Variants in HIVEP2 observed in about 807,000 individuals in gnomAD.
The protein encoded by HIVEP2 is transcription factor HIVEP2.
HIVEP2 carries 14 observed loss-of-function variants against 180.7 expected under a neutral mutation model. The observed-to-expected ratio is 0.08, with a 90% CI of 0.05 to 0.12. The LOEUF is 0.12. Ranked by LOEUF, HIVEP2 falls within the 10% of genes least tolerant of loss-of-function variation. The pLI is 1.00. For synonymous variants in HIVEP2, 1,184 were observed against 1,136.4 expected, an observed-to-expected ratio of 1.04 and a Z score of -0.84; for missense variants, 2,579 against 3,008.5, an observed-to-expected ratio of 0.86 and a Z score of 3.34.
intron 1 of HIVEP2, among the ~76,000 whole-genome samples, chr6:142,862,502 C>A: frequency 8.4e-6 from 1 of 118,746 alleles, no homozygotes. Context: ...TTATATGTAT[C>A]ATATATTTTA....
chr6:142,824,162 G>A (rs1422814292), intron 2 of HIVEP2, among the ~76,000 whole-genome samples: 1 of 151,834 alleles, frequency 6.6e-6, no homozygotes, highest in Admixed American at 6.6e-5. Context: ...TTGCTTTTTT[G>A]GAGTTCAAAA....
Position 142,774,694 on chromosome 6 carries a change from C to A in HIVEP2, c.45G>T (p.Arg15Ser). The A allele has an allele frequency of 6.2e-7, 1 of 1,614,204 alleles. No homozygotes were observed. Among genetic ancestry groups the A allele is most frequent in the Middle Eastern group, 1.6e-4 (1 of 6,062 alleles). ...DTALGQKATS[R>S]SGETDKASGR... ...CTGATGCTTTATCAGTTTCTCCAGA[C>A]CTTGAGGTAGCTTTTTGTCCTAGAG... Residue 15 changes from arginine (R) to serine (S), a missense_variant, in exon 5 of 10, where the codon AGG becomes AGT. This residue lies in a region of HIVEP2 where 207 missense variants were observed against 210.1 expected (regional missense o/e 0.99). Transcript: ENST00000367603. This position sits in a 1 kb window ranked among gnomAD's most constrained non-coding sequence, Gnocchi z 5.1.
intron 1 of HIVEP2, among the ~76,000 whole-genome samples, chr6:142,898,569 G>C (rs1389848905): frequency 1.3e-5 from 2 of 152,180 alleles, no homozygotes; most frequent in Non-Finnish European, 2.9e-5. Context: ...GGCTGAGGCA[G>C]GAGAATCACT....
chr6:142,827,509 T>C (rs1484562567), intron 2 of HIVEP2, among the ~76,000 whole-genome samples: 1 of 152,154 alleles, frequency 6.6e-6, no homozygotes, highest in Admixed American at 6.5e-5. Flanking sequence ...AGAACTGGTG[T>C]ATGTGTCTGT....
intron 2 of HIVEP2, among the ~76,000 whole-genome samples, chr6:142,820,862 T>C (rs935912240): frequency 1.3e-5 from 2 of 152,190 alleles, no homozygotes; most frequent in Non-Finnish European, 2.9e-5. Context: ...TAACTAGTTA[T>C]AGCAAGCTTA....
intron 1 of HIVEP2, among the ~76,000 whole-genome samples, chr6:142,862,673 A>G (rs1415500496): frequency 7.0e-6 from 1 of 142,796 alleles, no homozygotes; most frequent in African/African-American, 2.5e-5. Context: ...TATATTGTGT[A>G]CTATATCTAT....
chr6:142,879,111 G>A (rs574752663), intron 1 of HIVEP2, among the ~76,000 whole-genome samples: 7 of 152,226 alleles, frequency 4.6e-5, no homozygotes, highest in South Asian at 4.1e-4. Flanking sequence ...TACGAAAGCC[G>A]GCAAAAATGG....
intron 2 of HIVEP2, among the ~76,000 whole-genome samples, chr6:142,793,669 T>TCTCTC (rs1562521389): frequency 3.6e-3 from 348 of 97,112 alleles, no homozygotes; most frequent in African/African-American, 1.0e-2. Context: ...TTTTCTTTCT[T>TCTCTC]TCTTTCTCTC....
rs1776956525 is a variant in HIVEP2, at chr6:142,895,218, TTC to T, written c.-641+49879_-641+49880del. ...GCAGTCTTGTACACTTCACATTGTT[TTC>T]TGTTTTGTCTTACAGTTGTGATTCT... On this transcript the variant is annotated intron_variant, in intron 1 of 9. Transcript: ENST00000367603. Among the ~76,000 whole-genome samples, 7 of 152,300 alleles carry T rather than the reference TTC, an allele frequency of 4.6e-5. No homozygotes were observed. The South Asian group carries it at 1.4e-3, about 32-fold the overall frequency.
chr6:142,819,488 T>C (rs1223080597), intron 2 of HIVEP2, among the ~76,000 whole-genome samples: 1 of 152,156 alleles, frequency 6.6e-6, no homozygotes, highest in African/African-American at 2.4e-5. Context: ...AAATTTAAGT[T>C]TCACATACAA....
chr6:142,929,976 C>G (rs1777903335), intron 1 of HIVEP2, among the ~76,000 whole-genome samples: 1 of 152,192 alleles, frequency 6.6e-6, no homozygotes, highest in African/African-American at 2.4e-5. Context: ...TAAATTTTCA[C>G]TCTTCTCTAA....
chr6:142,760,620 T>C lies in HIVEP2; in HGVS notation c.5668A>G (p.Ser1890Gly). The stretch of plus-strand genomic sequence containing the variant: ...GAGAACTGATGATCAGTTGAAATGC[T>C]GGACATGCTATGCTTCTCTGCTGCT... ...HKAAEKHSMS[S>G]ISTDHQFSDA... Residue 1890 changes from serine (S) to glycine (G), a missense_variant, in exon 9 of 10, where the codon AGC (serine) becomes GGC (glycine). Physicochemically the swap from Ser to Gly is moderately conservative, Grantham distance 56. Coordinates refer to ENST00000367603, the MANE Select transcript of HIVEP2 (RefSeq NM_006734.4). The C allele has an allele frequency of 6.2e-7, 1 of 1,613,684 alleles. No individual in the cohort carries two copies.
At chr6:142,944,427 CCACA>C (rs34581763) in intron 1 of HIVEP2, among the ~76,000 whole-genome samples, 5 of 146,916 alleles carry the variant, frequency 3.4e-5, no homozygotes, top group African/African-American at 1.3e-4. Context: ...CCCCACACAC[CCACA>C]CACACACACA....
chr6:142,934,905 C>G (rs1164303140), intron 1 of HIVEP2, among the ~76,000 whole-genome samples: 1 of 152,152 alleles, frequency 6.6e-6, no homozygotes, highest in Non-Finnish European at 1.5e-5. Flanking sequence ...CCTAATTGAT[C>G]CAAACAGGCA....
chr6:142,900,485 G>A (rs1777108626), intron 1 of HIVEP2, among the ~76,000 whole-genome samples: 1 of 152,160 alleles, frequency 6.6e-6, no homozygotes, highest in Non-Finnish European at 1.5e-5. Flanking sequence ...GAAGAAAGCT[G>A]ACTACGGCTC....
intron 1 of HIVEP2, among the ~76,000 whole-genome samples, chr6:142,886,118 T>C (rs1776692008): frequency 6.6e-6 from 1 of 152,336 alleles, no homozygotes; most frequent in African/African-American, 2.4e-5. Flanking sequence ...TGAATTGGTT[T>C]GATCCTTTAC....
chr6:142,915,209 T>C (rs568772366), intron 1 of HIVEP2, among the ~76,000 whole-genome samples: 2 of 152,274 alleles, frequency 1.3e-5, no homozygotes, highest in South Asian at 2.1e-4. Flanking sequence ...AAAAGAAACA[T>C]TGAAGTTCTA....
chr6:142,913,127 G>C (rs1777456881), intron 1 of HIVEP2, among the ~76,000 whole-genome samples: 2 of 152,168 alleles, frequency 1.3e-5, no homozygotes, highest in South Asian at 4.1e-4. Flanking sequence ...AGGACTCATG[G>C]TGACCTATGG....
At chr6:142,841,614 T>C (rs947347791) in intron 1 of HIVEP2, among the ~76,000 whole-genome samples, 7 of 152,296 alleles carry the variant, frequency 4.6e-5, no homozygotes, top group Non-Finnish European at 5.9e-5. Flanking sequence ...TATTATTTAA[T>C]TAAGTGTACT....
Sources: gnomAD v4.1 joint callset for allele counts (sites outside exome capture counted in the v4.1 genomes callset) on GRCh38, gnomAD v4.1.1 for gene constraint, gnomAD v4.1.1 regional missense constraint, Gnocchi (gnomAD v3.1) non-coding constraint, MANE v1.5 for transcripts, NCBI Gene and HGNC (gene_info 2026-07-23, HGNC 2026-07-21) for gene names.